CACNA1H: variants seen among roughly 807,000 people sequenced by gnomAD.
CACNA1H encodes the protein voltage-dependent T-type calcium channel subunit alpha-1H.
A neutral mutation model predicts 192.5 loss-of-function variants in CACNA1H; 149 were observed. That is an observed-to-expected ratio of 0.77 (90% CI 0.68 to 0.89). The LOEUF (loss-of-function observed/expected upper bound fraction) is 0.89. Ranked by LOEUF, CACNA1H falls within the 40% of genes least tolerant of loss-of-function variation. The pLI is 0.00. For synonymous variants in CACNA1H, 2,202 were observed against 1,475.2 expected (o/e 1.49, Z -11.29); for missense variants, 4,257 against 3,423.5 (o/e 1.24, Z -6.08).
At position 1,193,564 on chromosome 16, in the gene CACNA1H, C is replaced by T. The variant is rs117831846; in HGVS notation, c.300-1408C>T. On this transcript the variant is annotated intron_variant, in intron 2 of 34. Coordinates refer to ENST00000348261, the MANE Select transcript of CACNA1H (RefSeq NM_021098.3). ...CAGTGCGTGCTGTGGCCTTGCCCAC[C>T]TATGGGACAGCGCGTGGCTGTGCCA... is the stretch of plus-strand genomic sequence containing the variant. Among the ~76,000 whole-genome samples the T allele has an allele frequency of 1.9e-4, 29 of 152,394 alleles. 2 individuals are homozygous for T. In the East Asian group the frequency reaches 5.6e-3, roughly 29 times the overall value.
chr16:1,221,165 A>T lies in CACNA1H; in HGVS notation c.*171A>T. The T allele has an allele frequency of 3.6e-6, 2 of 555,920 alleles. No homozygotes were observed. The highest frequency in any genetic ancestry group is 6.2e-6 in the Non-Finnish European group (2 of 323,142). 34.4% of individuals were successfully genotyped at this position (555,920 alleles called of 1,614,324 possible). A position where few individuals can be genotyped will look rare whatever the true frequency, so the allele number is the denominator to read the frequency against. The stretch of plus-strand genomic sequence containing the variant: ...GTTCTCTGCCCAGCGAAGCAGGAGT[A>T]GCTGCCGGGCCCCACGAGCCTCCGT... On this transcript the variant is annotated 3_prime_UTR_variant, in exon 35 of 35. Coordinates refer to ENST00000348261, the MANE Select transcript of CACNA1H (RefSeq NM_021098.3).
In CACNA1H at chr16:1,200,514, C is replaced by T. The variant is rs1487862602; in HGVS notation, c.1062C>T (p.Pro354=). The stretch of plus-strand genomic sequence containing the variant: ...TGTGCCGCTCGGGTGACTCCAACCC[C>T]CACAACGGTGCCATCAACTTCGACA... ...YNVCRSGDSN[P]HNGAINFDNI... is the part of the protein sequence containing the mutation. The change falls in exon 7 of 35, where the codon CCC becomes CCT. Residue 354 remains proline (P), a synonymous_variant. Coordinates refer to ENST00000348261, the MANE Select transcript of CACNA1H (RefSeq NM_021098.3). 1.8e-5 allele frequency: 29 copies of T among 1,612,372 alleles called. No individual in the cohort carries two copies. The highest frequency in any genetic ancestry group is 2.0e-5 in the Non-Finnish European group (24 of 1,179,732).
intron 2 of CACNA1H, among the ~76,000 whole-genome samples, chr16:1,189,512 G>T (rs1281055021): frequency 6.7e-6 from 1 of 149,062 alleles, no homozygotes; most frequent in Non-Finnish European, 1.5e-5. Flanking sequence ...CACCTCCTGG[G>T]GTCAAGCGAT....
intron 2 of CACNA1H, among the ~76,000 whole-genome samples, chr16:1,171,489 G>T (rs1162466954): frequency 6.6e-6 from 1 of 152,218 alleles, no homozygotes; most frequent in African/African-American, 2.4e-5. Context: ...GAGGCCCGCG[G>T]GAAGCTTCTG....
intron 2 of CACNA1H, among the ~76,000 whole-genome samples, chr16:1,172,064 G>A (rs1964420605): frequency 6.6e-6 from 1 of 151,520 alleles, no homozygotes; most frequent in East Asian, 2.0e-4. Context: ...AGCCTTCACT[G>A]AACTCTGAAG....
At position 1,193,739 on chromosome 16, in the gene CACNA1H, C is replaced by T. The variant is rs148846222; in HGVS notation, c.300-1233C>T. On this transcript the variant is annotated intron_variant, in intron 2 of 34. Coordinates refer to ENST00000348261, the MANE Select transcript of CACNA1H (RefSeq NM_021098.3). ...ACATTGGTGGCCTGGAGCCGTGGCA[C>T]TGGCATCAAATGCTGACCTGCTAGG... is the stretch of plus-strand genomic sequence containing the variant. Among the ~76,000 whole-genome samples, 659 of 152,230 alleles carry T rather than the reference C, an allele frequency of 4.3e-3. 5 individuals carry two copies. The highest frequency in any genetic ancestry group is 0.015 in the African/African-American group (612 of 41,546).
rs1970404510 is a variant in CACNA1H, at chr16:1,220,559, A to C, written c.6627A>C (p.Ala2209=). The C allele has an allele frequency of 1.3e-6, 2 of 1,531,416 alleles. No individual in the cohort carries two copies. The highest frequency in any genetic ancestry group is 4.5e-5 in the Admixed American group (2 of 44,814). The allele number at this position is 1,531,416 out of a possible 1,614,324, so 94.9% of individuals were successfully genotyped here. A position where few individuals can be genotyped will look rare whatever the true frequency, so the allele number is the denominator to read the frequency against. Residue 2209 remains alanine (A), a synonymous_variant, in exon 35 of 35, where the codon GCA becomes GCC. Coordinates refer to ENST00000348261, the MANE Select transcript of CACNA1H (RefSeq NM_021098.3). The part of the protein sequence containing the change: ...EDEGSARPSA[A]EGGSTTLRRR... ...AGGGCTCTGCGCGGCCCTCCGCGGC[A>C]GAGGGCGGCAGCACCACACTGAGGC... is the stretch of plus-strand genomic sequence containing the variant.
Position 1,196,149 on chromosome 16 carries a change from C to G in CACNA1H, c.643+126C>G, listed in dbSNP as rs1966939985. 6.9e-6 allele frequency: 5 copies of G among 719,620 alleles called. No individual in the cohort carries two copies. In the East Asian group the frequency reaches 1.1e-4, roughly 16 times the overall value. 44.6% of individuals were successfully genotyped at this position (719,620 alleles called of 1,614,324 possible). A position where few individuals can be genotyped will look rare whatever the true frequency, so the allele number is the denominator to read the frequency against. On this transcript the variant is annotated intron_variant, in intron 5 of 34. Transcript: ENST00000348261. The stretch of plus-strand genomic sequence containing the variant: ...ATGAAGGTTACCAGGCACTCCGGCC[C>G]CAGCCCAGACCCCAGCAGTGGGGTG...
rs1331655042 is a variant in CACNA1H at position 1,218,982 on chromosome 16, C to G, written c.5900C>G (p.Ser1967Cys). The G allele has an allele frequency of 6.5e-7, 1 of 1,550,156 alleles. No homozygotes were observed. The highest frequency in any genetic ancestry group is 2.4e-5 in the East Asian group (1 of 40,910). ...GAGTPLGSVASVHSPPAESCA... is the reference protein window; with the variant it reads ...GAGTPLGSVACVHSPPAESCA... ...TTCCCTGCCCCAGGCTCCGTTGCCT[C>G]TGTGCACTCTCCGCCCGCAGAGTCC... is the stretch of plus-strand genomic sequence containing the variant. Residue 1967 changes from serine to cysteine, a missense_variant, in exon 34 of 35, where the codon TCT (serine) becomes TGT (cysteine). Physicochemically the swap from Ser to Cys is moderately radical, Grantham distance 112. Coordinates refer to ENST00000348261, the MANE Select transcript of CACNA1H (RefSeq NM_021098.3).
intron 2 of CACNA1H, among the ~76,000 whole-genome samples, chr16:1,190,720 C>T (rs1484035133): frequency 1.3e-5 from 2 of 152,272 alleles, no homozygotes; most frequent in East Asian, 1.9e-4. Context: ...GGGTCCTTGC[C>T]ATTGGAGGAG....
chr16:1,153,628 C>T (rs1009462705), intron 1 of CACNA1H, 92 bp from the exon 2 acceptor site: 63 of 799,730 alleles, frequency 7.9e-5, no homozygotes, highest in African/African-American at 1.1e-4. Context: ...CAAAGACATC[C>T]CGGCGGCCGC....
At chr16:1,161,179 G>T (rs1963152604) in intron 2 of CACNA1H, among the ~76,000 whole-genome samples, 1 of 152,246 alleles carries the variant, frequency 6.6e-6, no homozygotes, top group East Asian at 1.9e-4. Context: ...ACCCTGGGCT[G>T]CTGGTGGTGT....
In CACNA1H at chr16:1,220,385, C is replaced by G; in HGVS notation, c.6453C>G (p.Asp2151Glu). 2 of 1,522,822 alleles carry G rather than the reference C, an allele frequency of 1.3e-6. No homozygotes were observed. Among genetic ancestry groups the G allele is most frequent in the Non-Finnish European group, 1.7e-6 (2 of 1,143,810 alleles). 94.3% of individuals were successfully genotyped at this position (1,522,822 alleles called of 1,614,324 possible). A position where few individuals can be genotyped will look rare whatever the true frequency, so the allele number is the denominator to read the frequency against. ...TCCTGGACAAGCCGGGCCGGGCAGA[C>G]GAGCAGTGGCGGCCCTCGGCGGAGC... Reference protein sequence around the residue: ...QGFLDKPGRADEQWRPSAELG... With the variant: ...QGFLDKPGRAEEQWRPSAELG... The change falls in exon 35 of 35, where the codon GAC (aspartate) becomes GAG (glutamate). Residue 2151 changes from aspartate (D) to glutamate (E), a missense_variant. By Grantham distance (45) the Asp-to-Glu change is conservative (BLOSUM62 2). Coordinates refer to ENST00000348261, the MANE Select transcript of CACNA1H (RefSeq NM_021098.3).
chr16:1,182,107 C>T (rs1186855848), intron 2 of CACNA1H, among the ~76,000 whole-genome samples: 2 of 152,176 alleles, frequency 1.3e-5, no homozygotes, highest in African/African-American at 4.8e-5. Context: ...CTGGTGTTTC[C>T]CCGGGCTGTG....
intron 6 of CACNA1H, 120 bp downstream of exon 6, chr16:1,198,894 G>A (rs544960413): frequency 3.7e-5 from 32 of 859,036 alleles, no homozygotes; most frequent in South Asian, 1.0e-4. Context: ...CACCCGCCCC[G>A]CCACTGCTGT....
chr16:1,205,382 T>C (rs1968566429), intron 11 of CACNA1H, 117 bp downstream of exon 11: 2 of 1,145,542 alleles, frequency 1.7e-6, no homozygotes, highest in Non-Finnish European at 2.5e-6. Context: ...TAGCTCTTTA[T>C]GACAGGCCGT....
intron 2 of CACNA1H, among the ~76,000 whole-genome samples, chr16:1,172,754 C>T (rs1304210903): frequency 6.6e-6 from 1 of 151,980 alleles, no homozygotes; most frequent in Non-Finnish European, 1.5e-5. Flanking sequence ...CCCGGGGCAC[C>T]CAGGGGCGGA....
In CACNA1H at chr16:1,180,063, TGCCGGGTGATACTGAGGGG is replaced by T. The variant is rs563288615; in HGVS notation, c.300-14902_300-14884del. On this transcript the variant is annotated intron_variant, in intron 2 of 34. Coordinates refer to ENST00000348261, the MANE Select transcript of CACNA1H (RefSeq NM_021098.3). This position sits in a 1 kb window ranked among gnomAD's most constrained non-coding sequence, Gnocchi z 4.4. The stretch of plus-strand genomic sequence containing the variant: ...CCTTGTTTTTTAATATACATCTGGT[TGCCGGGTGATACTGAGGGG>T]GCCGGGCTCTGCAGGCACAGGGCTG... Among the ~76,000 whole-genome samples, 1 of 152,310 alleles carries T rather than the reference TGCCGGGTGATACTGAGGGG, an allele frequency of 6.6e-6. No individual in the cohort carries two copies. The highest frequency in any genetic ancestry group is 1.9e-4 in the East Asian group (1 of 5,176).
In CACNA1H at chr16:1,221,263, C is replaced by G; in HGVS notation, c.*269C>G. On this transcript the variant is annotated 3_prime_UTR_variant, in exon 35 of 35. Transcript: ENST00000348261. ...GCGGGCAACTGGGTCAGCCTCCCGT[C>G]AGGAGAGAAGCCGCGTCTGTGGGAC... is the stretch of plus-strand genomic sequence containing the variant. The G allele has an allele frequency of 2.1e-6, 1 of 465,458 alleles. No individual in the cohort carries two copies. The highest frequency in any genetic ancestry group is 4.9e-5 in the South Asian group (1 of 20,244). The allele number at this position is 465,458 out of a possible 1,614,324, so 28.8% of individuals were successfully genotyped here.
Sources: allele counts gnomAD v4.1 joint callset (sites outside exome capture counted in the v4.1 genomes callset), GRCh38; gene constraint gnomAD v4.1.1; non-coding constraint Gnocchi (gnomAD v3.1); transcripts MANE v1.5; gene names NCBI Gene and HGNC (gene_info 2026-07-23, HGNC 2026-07-21).